AS3MT: variants seen among roughly 807,000 people sequenced by gnomAD.
AS3MT encodes the protein S-adenosyl-L-methionine:arsenic(III) methyltransferase.
In AS3MT, 47 loss-of-function variants were observed where a neutral mutation model predicts 45.3. That is an observed-to-expected ratio of 1.04 (90% CI 0.82 to 1.32). The LOEUF (loss-of-function observed/expected upper bound fraction) is 1.32. Among genes scored for constraint, AS3MT ranks in the 40% most tolerant of loss-of-function variants. The pLI is 0.00. For missense variants in AS3MT, 396 were observed against 451.1 expected, an observed-to-expected ratio of 0.88 and a Z score of 1.11; for synonymous variants, 141 against 152.8, an observed-to-expected ratio of 0.92 and a Z score of 0.57.
At chr10:102,890,457 G>A in intron 9 of AS3MT, 87 bp from the exon 10 acceptor site, 2 of 1,089,272 alleles carry the variant, frequency 1.8e-6, no homozygotes, top group South Asian at 1.6e-5. Flanking sequence ...TGGTGAGGAT[G>A]TGGAGAAAAC....
At chr10:102,874,817 C>T (rs1161977246) in intron 6 of AS3MT, among the ~76,000 whole-genome samples, 156 bp downstream of exon 6, 2 of 152,096 alleles carry the variant, frequency 1.3e-5, no homozygotes, top group East Asian at 1.9e-4. Context: ...AGGAATACCC[C>T]GGATATGGAT....
At chr10:102,893,317 CT>C (rs1238739387) in intron 10 of AS3MT, among the ~76,000 whole-genome samples, 1 of 151,374 alleles carries the variant, frequency 6.6e-6, no homozygotes, top group African/African-American at 2.4e-5. Flanking sequence ...CTAGAACTTT[CT>C]TTTTTTTGGT....
Position 102,873,232 on chromosome 10 carries a change from G to T in AS3MT, c.457G>T (p.Val153Leu). 2 of 1,595,184 alleles carry T rather than the reference G, an allele frequency of 1.3e-6. No individual in the cohort carries two copies. Among genetic ancestry groups the T allele is most frequent in the Non-Finnish European group, 1.7e-6 (2 of 1,174,540 alleles). ...GIKNESHDIV[V>L]SNCVINLVPD... is the part of the protein sequence containing the mutation. ...CAAGAATGAGAGCCATGATATTGTTGTGTAGGTCTATATTCTTACTGTTAT... is the reference window on the plus strand; with the variant it reads ...CAAGAATGAGAGCCATGATATTGTTTTGTAGGTCTATATTCTTACTGTTAT... Residue 153 changes from valine to leucine, a missense_variant and splice_region_variant, in exon 5 of 11, where the codon GTA becomes TTA. By Grantham distance (32) the Val-to-Leu change is conservative (BLOSUM62 1). Transcript: ENST00000369880.
chr10:102,883,839 T>A (rs11191442), intron 9 of AS3MT, among the ~76,000 whole-genome samples: 37,515 of 151,962 alleles, frequency 0.25, 4,762 homozygotes, highest in Middle Eastern at 0.31. Context: ...ATGGGATGTT[T>A]TGACATATGT....
chr10:102,873,563 G>A (rs902007076), intron 5 of AS3MT, among the ~76,000 whole-genome samples: 61 of 152,162 alleles, frequency 4.0e-4, no homozygotes, highest in African/African-American at 1.4e-3. Flanking sequence ...TGGGATTACA[G>A]GTGTGAGGCA....
chr10:102,875,721 C>A (rs1844774546), intron 6 of AS3MT, among the ~76,000 whole-genome samples: 1 of 151,794 alleles, frequency 6.6e-6, no homozygotes, highest in Non-Finnish European at 1.5e-5. Flanking sequence ...CTCCTGGGTT[C>A]AAACAATTCT....
rs200664868 is a variant in AS3MT, at chr10:102,886,627, TTTC to T, written c.886-3908_886-3906del. On this transcript the variant is annotated intron_variant, in intron 9 of 10. Coordinates refer to ENST00000369880, the MANE Select transcript of AS3MT (RefSeq NM_020682.4). The stretch of plus-strand genomic sequence containing the variant: ...GCCATTGTGCCCGGCCCTTCTTTCC[TTTC>T]TTCTTCTTTCTTTCTCAGGGTCTCA... Among the ~76,000 whole-genome samples, 410 of 152,018 alleles carry T rather than the reference TTTC, an allele frequency of 2.7e-3. 2 individuals are homozygous for T. The highest frequency in any genetic ancestry group is 9.4e-3 in the African/African-American group (390 of 41,468).
At chr10:102,885,363 C>G (rs1173831617) in intron 9 of AS3MT, among the ~76,000 whole-genome samples, 3 of 151,758 alleles carry the variant, frequency 2.0e-5, no homozygotes, top group Non-Finnish European at 4.4e-5. Flanking sequence ...GAGTCTTACT[C>G]TGTCTCCCAG....
intron 5 of AS3MT, 44 bp downstream of exon 5, chr10:102,873,277 T>TATA: frequency 8.5e-7 from 1 of 1,173,706 alleles, no homozygotes; most frequent in Non-Finnish European, 1.1e-6. Flanking sequence ...CCATTTTCTT[T>TATA]ATTATTATTA....
Position 102,872,509 on chromosome 10 carries a change from G to C in AS3MT, c.232G>C (p.Gly78Arg). Residue 78 changes from glycine (G) to arginine (R), a missense_variant, in exon 4 of 11, where the codon GGT (glycine) becomes CGT (arginine). Physicochemically the swap from Gly to Arg is moderately radical, Grantham distance 125 (BLOSUM62 -2). Coordinates refer to ENST00000369880, the MANE Select transcript of AS3MT (RefSeq NM_020682.4). ...AGAAAACTGCTGGATTTTGGATCTG[G>C]GTAGTGGAAGTGGCAGAGATTGCTA... ...HLENCWILDL[G>R]SGSGRDCYVL... 1 of 1,614,162 alleles carries C rather than the reference G, an allele frequency of 6.2e-7. No individual in the cohort carries two copies. The highest frequency in any genetic ancestry group is 8.5e-7 in the Non-Finnish European group (1 of 1,179,988).
At chr10:102,889,761 C>T (rs1440497575) in intron 9 of AS3MT, among the ~76,000 whole-genome samples, 11 of 151,650 alleles carry the variant, frequency 7.3e-5, no homozygotes, top group Admixed American at 4.6e-4. Context: ...CTACAACCTC[C>T]GCCTCCTGGG....
chr10:102,876,018 T>A (rs569097892), intron 6 of AS3MT, among the ~76,000 whole-genome samples: 1 of 152,142 alleles, frequency 6.6e-6, no homozygotes, highest in Non-Finnish European at 1.5e-5. Context: ...ATTTAATGAT[T>A]TAGTGATGTC....
chr10:102,889,683 C>G (rs1027982163), intron 9 of AS3MT, among the ~76,000 whole-genome samples: 3 of 148,932 alleles, frequency 2.0e-5, no homozygotes, highest in Non-Finnish European at 4.5e-5. Flanking sequence ...CTCCACCCCC[C>G]CCGCCCCTTT....
chr10:102,882,386 T>C (rs1199357197), intron 9 of AS3MT, among the ~76,000 whole-genome samples: 1 of 151,512 alleles, frequency 6.6e-6, no homozygotes, highest in Non-Finnish European at 1.5e-5. Context: ...CAGATTTCTT[T>C]TTTTTTTTTA....
chr10:102,873,742 G>A (rs1025430598), intron 5 of AS3MT, among the ~76,000 whole-genome samples: 1 of 152,160 alleles, frequency 6.6e-6, no homozygotes, highest in Non-Finnish European at 1.5e-5. Context: ...GACCAAGAGG[G>A]AACTTACTTG....
intron 8 of AS3MT, 132 bp from the exon 9 acceptor site, chr10:102,878,717 A>T (rs999194972): frequency 4.5e-6 from 6 of 1,334,110 alleles, no homozygotes; most frequent in Non-Finnish European, 6.1e-6. Context: ...AATAGAGTGA[A>T]GTGCTCAGAA....
intron 9 of AS3MT, chr10:102,887,958 AT>A: frequency 1.3e-5 from 2 of 155,960 alleles, no homozygotes; most frequent in Non-Finnish European, 1.5e-5. Flanking sequence ...TTCTTCAAAT[AT>A]TTTTTGGTGA....
rs1844869945 is a variant in AS3MT, at chr10:102,881,797, A to G, written c.885+2806A>G. On this transcript the variant is annotated intron_variant, in intron 9 of 10. Coordinates refer to ENST00000369880, the MANE Select transcript of AS3MT (RefSeq NM_020682.4). The surrounding 1 kb of genome is among the most constrained non-coding windows in gnomAD (Gnocchi z 4.2). Reference sequence around the variant, plus strand: ...GTCACCCATGCTGGAGTGTAGTGGCACAGTCATAGCTCACTGTAACCTCAA... The same window carrying G: ...GTCACCCATGCTGGAGTGTAGTGGCGCAGTCATAGCTCACTGTAACCTCAA... Among the ~76,000 whole-genome samples, 1 of 152,080 alleles carries G rather than the reference A, an allele frequency of 6.6e-6. No individual in the cohort carries two copies. Among genetic ancestry groups the G allele is most frequent in the Admixed American group, 6.6e-5 (1 of 15,244 alleles).
chr10:102,893,181 C>G (rs1476243420), intron 10 of AS3MT, among the ~76,000 whole-genome samples: 1 of 151,856 alleles, frequency 6.6e-6, no homozygotes, highest in Non-Finnish European at 1.5e-5. Flanking sequence ...ATTACAGTAG[C>G]ACAATGCATA....
Sources: allele counts gnomAD v4.1 joint callset (sites outside exome capture counted in the v4.1 genomes callset), GRCh38; gene constraint gnomAD v4.1.1; non-coding constraint Gnocchi (gnomAD v3.1); transcripts MANE v1.5; gene names NCBI Gene and HGNC (gene_info 2026-07-23, HGNC 2026-07-21).